SNX31: variants seen among roughly 807,000 people sequenced by gnomAD.
SNX31 encodes sorting nexin 31, also known as sorting nexin-31.
Under a neutral mutation model 65.4 loss-of-function variants are expected in SNX31, and 58 were observed. The ratio of observed to expected loss-of-function variants is 0.89; its 90% CI spans 0.72 to 1.10. The LOEUF is 1.10. SNX31 is among the 50% of genes least tolerant of loss of function. The pLI is 0.00. For missense variants in SNX31, 523 were observed against 529.7 expected (o/e 0.99, Z 0.12); for synonymous variants, 181 against 190.1 (o/e 0.95, Z 0.39).
chr8:100,609,190 A>T lies in SNX31; in HGVS notation c.612-627T>A, dbSNP rs1028894476. Among the ~76,000 whole-genome samples the T allele has an allele frequency of 1.3e-5, 2 of 152,060 alleles. No individual in the cohort carries two copies. Among genetic ancestry groups the T allele is most frequent in the Non-Finnish European group, 2.9e-5 (2 of 68,006 alleles). ...TCACCAACCCCACCACCAACGCTAC[A>T]TTCCAACCATGTTTTCTCTCCTCTC... On this transcript the variant is annotated intron_variant, in intron 7 of 13. Coordinates refer to ENST00000311812, the MANE Select transcript of SNX31 (RefSeq NM_152628.4). This position sits in a 1 kb window ranked among gnomAD's most constrained non-coding sequence, Gnocchi z 4.9.
At position 100,588,087 on chromosome 8, in the gene SNX31, A is replaced by G. The variant is rs1018386566; in HGVS notation, c.1092+779T>C. ...GTATGTGTATCACCTAAACATAGAA[A>G]AGGTACTACAGGAAAAAGGTGAAAC... On this transcript the variant is annotated intron_variant, in intron 11 of 13. Coordinates refer to ENST00000311812, the MANE Select transcript of SNX31 (RefSeq NM_152628.4). This position sits in a 1 kb window ranked among gnomAD's most constrained non-coding sequence, Gnocchi z 4.8. 1.3e-5 allele frequency among the ~76,000 whole-genome samples: 2 copies of G among 151,130 alleles called. No individual in the cohort carries two copies. Among genetic ancestry groups the G allele is most frequent in the Non-Finnish European group, 2.9e-5 (2 of 67,938 alleles).
intron 7 of SNX31, among the ~76,000 whole-genome samples, 193 bp downstream of exon 7, chr8:100,611,807 T>C (rs1816735537): frequency 6.6e-6 from 1 of 152,182 alleles, no homozygotes; most frequent in Non-Finnish European, 1.5e-5. Context: ...CATCTTGCCT[T>C]GGTCTCCCAA....
At chr8:100,605,498 A>G (rs943744527) in intron 8 of SNX31, among the ~76,000 whole-genome samples, 12 of 152,206 alleles carry the variant, frequency 7.9e-5, no homozygotes, top group Non-Finnish European at 1.0e-4. Flanking sequence ...AGACTTTGCC[A>G]GGCAATGAGC....
At chr8:100,641,625 C>CATATAT (rs368399829) in intron 2 of SNX31, among the ~76,000 whole-genome samples, 250 of 48,718 alleles carry the variant, frequency 5.1e-3, no homozygotes, top group African/African-American at 7.0e-3. Context: ...CACACACGCG[C>CATATAT]ATATATATAT....
chr8:100,581,870 A>G (rs1002646686), intron 12 of SNX31, among the ~76,000 whole-genome samples: 4 of 152,178 alleles, frequency 2.6e-5, no homozygotes, highest in Non-Finnish European at 4.4e-5. Flanking sequence ...GATGAGTTCA[A>G]ACACTGAACT....
chr8:100,590,315 A>G (rs1419328111), intron 10 of SNX31, among the ~76,000 whole-genome samples: 4 of 152,204 alleles, frequency 2.6e-5, no homozygotes, highest in Non-Finnish European at 5.9e-5. Flanking sequence ...GGTTTCAGCT[A>G]GGTGTGGTAG....
chr8:100,639,245 C>G (rs986960697), intron 2 of SNX31, among the ~76,000 whole-genome samples: 3 of 152,052 alleles, frequency 2.0e-5, no homozygotes, highest in Admixed American at 6.5e-5. Flanking sequence ...TTGGGGAATC[C>G]GAGGATGGAA....
intron 9 of SNX31, among the ~76,000 whole-genome samples, chr8:100,599,986 G>A (rs976660798): frequency 2.2e-4 from 33 of 152,148 alleles, no homozygotes; most frequent in African/African-American, 7.7e-4. Flanking sequence ...TGCTGCCAAA[G>A]TGATTTATAG....
At chr8:100,634,119 C>A (rs1818587619) in intron 3 of SNX31, among the ~76,000 whole-genome samples, 1 of 152,168 alleles carries the variant, frequency 6.6e-6, no homozygotes, top group African/African-American at 2.4e-5. Flanking sequence ...GCCAGTTTTG[C>A]CATTTCCCCT....
At chr8:100,585,716 TAATAA>T (rs569248252) in intron 11 of SNX31, among the ~76,000 whole-genome samples, 82 of 152,140 alleles carry the variant, frequency 5.4e-4, no homozygotes, top group African/African-American at 1.7e-3. Flanking sequence ...CAAAACCAGA[TAATAA>T]AATAAACAAC....
chr8:100,631,259 T>A (rs1045051822), intron 3 of SNX31, among the ~76,000 whole-genome samples: 2 of 152,108 alleles, frequency 1.3e-5, no homozygotes, highest in African/African-American at 4.8e-5. Context: ...GCAGAGCAGA[T>A]GGGGCAGACA....
intron 1 of SNX31, among the ~76,000 whole-genome samples, chr8:100,659,353 C>CAAAAAA (rs148671568): frequency 8.3e-4 from 59 of 71,220 alleles, no homozygotes; most frequent in Non-Finnish European, 1.2e-3. Context: ...AACTCCATCA[C>CAAAAAA]AAAAAAAAAA....
At chr8:100,646,756 A>G (rs768006408) in intron 2 of SNX31, among the ~76,000 whole-genome samples, 7 of 152,226 alleles carry the variant, frequency 4.6e-5, no homozygotes, top group African/African-American at 7.2e-5. Context: ...GAACCCATAA[A>G]GTTGGGGAAT....
chr8:100,628,520 C>T (rs1403335456), intron 4 of SNX31, among the ~76,000 whole-genome samples: 8 of 145,654 alleles, frequency 5.5e-5, no homozygotes, highest in African/African-American at 2.0e-4. Flanking sequence ...TGTTCTCACT[C>T]ATAGGTGGGA....
At chr8:100,657,023 T>A (rs1021889502) in intron 1 of SNX31, among the ~76,000 whole-genome samples, 6 of 152,208 alleles carry the variant, frequency 3.9e-5, no homozygotes, top group African/African-American at 1.4e-4. Context: ...ACCATGCTAA[T>A]GAAGCTTACA....
rs1274530295 is a variant in SNX31 at position 100,613,169 on chromosome 8, C to T, written c.433-84G>A. On this transcript the variant is annotated intron_variant, in intron 5 of 13. Coordinates refer to ENST00000311812, the MANE Select transcript of SNX31 (RefSeq NM_152628.4). The surrounding 1 kb of genome is among the most constrained non-coding windows in gnomAD (Gnocchi z 5.2). Reference sequence around the variant, plus strand: ...CTGTGACATGCAGACTTGGAAATGGCCGGTACACATCAATAAAAAATGCTG... The same window carrying T: ...CTGTGACATGCAGACTTGGAAATGGTCGGTACACATCAATAAAAAATGCTG... 3.8e-6 allele frequency: 4 copies of T among 1,046,014 alleles called. No individual in the cohort carries two copies. Among genetic ancestry groups the T allele is most frequent in the Admixed American group, 1.8e-5 (1 of 54,134 alleles). 64.8% of individuals were successfully genotyped at this position (1,046,014 alleles called of 1,614,324 possible).
upstream of SNX31, among the ~76,000 whole-genome samples, chr8:100,651,915 T>A (rs1819981267): frequency 6.6e-6 from 1 of 152,248 alleles, no homozygotes; most frequent in Non-Finnish European, 1.5e-5. Context: ...TCTGTGAAGC[T>A]GCTTTTCAGG....
chr8:100,617,482 G>A, intron 5 of SNX31, 138 bp downstream of exon 5: 4 of 565,648 alleles, frequency 7.1e-6, no homozygotes, highest in Non-Finnish European at 9.3e-6. Flanking sequence ...GCAAATGCCA[G>A]TACCTCTGCA....
rs72427981 is a variant in SNX31, at chr8:100,661,694, G to GTT, written c.-58+1446_-58+1447dup. 4.6e-3 allele frequency among the ~76,000 whole-genome samples: 694 copies of GTT among 150,066 alleles called. 6 individuals carry two copies. Among genetic ancestry groups the GTT allele is most frequent in the African/African-American group, 0.016 (643 of 41,086 alleles). ...TAACATGCACCACCACACACGGCCA[G>GTT]TTTTTTTTTTTATTTTGTAGAAACT... On this transcript the variant is annotated intron_variant, in intron 1 of 5. Transcript: ENST00000520352.
Sources: gnomAD v4.1 joint callset for allele counts (sites outside exome capture counted in the v4.1 genomes callset) on GRCh38, gnomAD v4.1.1 for gene constraint, Gnocchi (gnomAD v3.1) non-coding constraint, MANE v1.5 for transcripts, NCBI Gene and HGNC (gene_info 2026-07-23, HGNC 2026-07-21) for gene names.